The following EDEM3 variants were observed in gnomAD, a reference collection of about 807,000 sequenced individuals.
EDEM3 encodes ER degradation enhancing alpha-mannosidase like protein 3, also known as ER degradation-enhancing alpha-mannosidase-like protein 3.
Under a neutral mutation model 110.2 loss-of-function variants are expected in EDEM3, and 60 were observed. The observed-to-expected ratio is 0.54, with a 90% CI of 0.44 to 0.67. The LOEUF is 0.67. Among genes scored for constraint, EDEM3 ranks in the 30% least tolerant of loss-of-function variants. The pLI is 0.00. For synonymous variants in EDEM3, 352 were observed against 382.9 expected, an observed-to-expected ratio of 0.92 and a Z score of 0.94; for missense variants, 996 against 1,121.0, an observed-to-expected ratio of 0.89 and a Z score of 1.59.
Position 184,711,736 on chromosome 1 carries a change from C to T in EDEM3, c.1678G>A (p.Gly560Ser). ...AATACATCTTACACTCTGATGATGC[C>T]TCTAGGACAGCTCTTATCCACCACA... ...KNVVDKSCPR[G>S]IIRVEESFRS... The change falls in exon 15 of 20, where the codon GGC becomes AGC. Residue 560 changes from glycine (G) to serine (S), a missense_variant. Transcript: ENST00000318130. The T allele has an allele frequency of 6.2e-7, 1 of 1,610,946 alleles. No individual in the cohort carries two copies. Among genetic ancestry groups the T allele is most frequent in the Non-Finnish European group, 8.5e-7 (1 of 1,178,716 alleles).
At chr1:184,753,075 A>G (rs1179175262) in intron 1 of EDEM3, among the ~76,000 whole-genome samples, 1 of 152,116 alleles carries the variant, frequency 6.6e-6, no homozygotes, top group Non-Finnish European at 1.5e-5. Context: ...CTTTATTGCT[A>G]TTTAGAAACG....
chr1:184,754,136 T>C (rs1383079690), intron 1 of EDEM3, among the ~76,000 whole-genome samples: 2 of 152,212 alleles, frequency 1.3e-5, no homozygotes, highest in Admixed American at 6.5e-5. Flanking sequence ...AAGCTAACCA[T>C]GCTTCGGTCG....
rs754246948 is a variant in EDEM3, at chr1:184,702,813, C to T, written c.2387G>A (p.Arg796Gln). The T allele has an allele frequency of 1.3e-5, 20 of 1,585,400 alleles. No individual in the cohort carries two copies. In the South Asian group the frequency reaches 1.4e-4, roughly 11 times the overall value. Residue 796 changes from arginine to glutamine, a missense_variant and splice_region_variant, in exon 19 of 20, where the codon CGA (arginine) becomes CAA (glutamine). Physicochemically the swap from Arg to Gln is conservative, Grantham distance 43. Around this residue, in one of 5 missense-constraint regions of EDEM3, gnomAD observed 345 missense variants for 402.0 expected, o/e 0.86. Transcript: ENST00000318130. ...EVLLSDKAKD[R>Q]DPEMENEEQP... ...AACAAATGGTATTTTACTCTTACCT[C>T]GATCTTTTGCTTTATCAGAGAGGAG...
At chr1:184,739,103 T>C (rs185302415) in intron 2 of EDEM3, among the ~76,000 whole-genome samples, 1 of 151,874 alleles carries the variant, frequency 6.6e-6, no homozygotes, top group African/African-American at 2.4e-5. Flanking sequence ...CTTTCCCCAA[T>C]GGCTTGAAAT....
chr1:184,754,617 C>T lies in EDEM3; in HGVS notation c.30G>A (p.Gly10=). Residue 10 remains glycine (G), a synonymous_variant, in exon 1 of 20, where the codon GGG becomes GGA. Coordinates refer to ENST00000318130, the MANE Select transcript of EDEM3 (RefSeq NM_025191.4). MSEAGGRGC[G]SPVPQRARWR... is the part of the protein sequence containing the mutation. ...ATCGCGCTCGCTGGGGAACCGGGGA[C>T]CCACAGCCCCGGCCGCCGGCTTCGC... 2 of 1,601,482 alleles carry T rather than the reference C, an allele frequency of 1.2e-6. No individual in the cohort carries two copies. The highest frequency in any genetic ancestry group is 1.7e-6 in the Non-Finnish European group (2 of 1,174,336).
intron 6 of EDEM3, among the ~76,000 whole-genome samples, chr1:184,729,039 C>T (rs12079673): frequency 1.3e-3 from 200 of 152,166 alleles, no homozygotes; most frequent in African/African-American, 4.6e-3. Flanking sequence ...GATCTAGGGG[C>T]TGGTAGATAG....
At chr1:184,698,466 TC>T (rs1649443883) in intron 19 of EDEM3, among the ~76,000 whole-genome samples, 1 of 151,830 alleles carries the variant, frequency 6.6e-6, no homozygotes, top group African/African-American at 2.4e-5. Context: ...AGTTATGCTA[TC>T]CTACTAACTT....
Position 184,732,923 on chromosome 1 carries a change from T to C in EDEM3, c.526A>G (p.Asn176Asp). Residue 176 changes from asparagine (N) to aspartate (D), a missense_variant, in exon 6 of 20, where the codon AAT becomes GAT. This residue lies in a region of EDEM3 where 310 missense variants were observed against 394.6 expected (regional missense o/e 0.79). Coordinates refer to ENST00000318130, the MANE Select transcript of EDEM3 (RefSeq NM_025191.4). ...TTTGCCATTTGGAGAAGTTCATCAT[T>C]GTACCACTGCATATATTCACCTTTT... ...KEKGEYMQWY[N>D]DELLQMAKQL... 3.7e-6 allele frequency: 6 copies of C among 1,614,156 alleles called. No homozygotes were observed. The highest frequency in any genetic ancestry group is 5.1e-6 in the Non-Finnish European group (6 of 1,180,004).
At chr1:184,726,851 A>T (rs1289410545) in intron 6 of EDEM3, among the ~76,000 whole-genome samples, 1 of 152,222 alleles carries the variant, frequency 6.6e-6, no homozygotes, top group Non-Finnish European at 1.5e-5. Context: ...TAGAGAAAAA[A>T]CGGATTGTTA....
chr1:184,744,326 A>G (rs1652310691), intron 2 of EDEM3, among the ~76,000 whole-genome samples: 2 of 145,352 alleles, frequency 1.4e-5, no homozygotes, highest in East Asian at 2.0e-4. Context: ...AAAATTTTCA[A>G]TGTCATTAAT....
chr1:184,745,440 TAC>T (rs1028871034), intron 2 of EDEM3, among the ~76,000 whole-genome samples: 5 of 152,062 alleles, frequency 3.3e-5, no homozygotes, highest in Non-Finnish European at 5.9e-5. Flanking sequence ...AAACACCGAG[TAC>T]AGAGTTTCAG....
rs190010237 is a variant in EDEM3 at position 184,730,852 on chromosome 1, A to C, written c.612+1985T>G. 6.1e-3 allele frequency among the ~76,000 whole-genome samples: 929 copies of C among 151,752 alleles called. 10 individuals carry two copies. Among genetic ancestry groups the C allele is most frequent in the Middle Eastern group, 0.027 (8 of 294 alleles). ...CGGGTGATAGAGATGGTAAGCCTAA[A>C]GGCATGGAATGAAAAAAAAAAAAAA... is the stretch of plus-strand genomic sequence containing the variant. On this transcript the variant is annotated intron_variant, in intron 6 of 19. Transcript: ENST00000318130.
Position 184,702,884 on chromosome 1 carries a change from T to C in EDEM3, c.2316A>G (p.Gly772=). The stretch of plus-strand genomic sequence containing the variant: ...CCCGGATGGCATCCAGTATGATACT[T>C]CCTTCTTTGCTGAATAAGAACAGCA... ...IPMLFLFSKE[G]SIILDAIREY... The change falls in exon 19 of 20, where the codon GGA becomes GGG. Residue 772 remains glycine (G), a synonymous_variant. Transcript: ENST00000318130. The C allele has an allele frequency of 6.2e-7, 1 of 1,613,594 alleles. No homozygotes were observed.
chr1:184,727,645 G>A (rs1046287638), intron 6 of EDEM3, among the ~76,000 whole-genome samples: 1 of 152,100 alleles, frequency 6.6e-6, no homozygotes, highest in Non-Finnish European at 1.5e-5. Flanking sequence ...AATGTAAAAC[G>A]TAGGTGAGAG....
At chr1:184,720,866 T>TA (rs1204493483) in intron 9 of EDEM3, 8 of 161,212 alleles carry the variant, frequency 5.0e-5, no homozygotes, top group African/African-American at 1.9e-4. Flanking sequence ...TTGAAATGAA[T>TA]ACTCACTAGT....
Position 184,737,022 on chromosome 1 carries a change from TACC to T in EDEM3, c.345_345+2del. On this transcript the variant is annotated splice_donor_variant and coding_sequence_variant, in exon 4 of 20. Coordinates refer to ENST00000318130, the MANE Select transcript of EDEM3 (RefSeq NM_025191.4). LOFTEE classifies it high-confidence loss of function. Reference sequence around the variant, plus strand: ...AAATAAATCCAAGAAGAGTCAAACCTACCACAAGAGTGTCCAAAGAATCAATCA... The same window carrying T: ...AAATAAATCCAAGAAGAGTCAAACCTACAAGAGTGTCCAAAGAATCAATCA... 2.5e-6 allele frequency: 4 copies of T among 1,611,436 alleles called. No homozygotes were observed. The highest frequency in any genetic ancestry group is 3.4e-6 in the Non-Finnish European group (4 of 1,177,916).
At chr1:184,698,860 A>C (rs1305619456) in intron 19 of EDEM3, among the ~76,000 whole-genome samples, 1 of 151,798 alleles carries the variant, frequency 6.6e-6, no homozygotes, top group Non-Finnish European at 1.5e-5. Context: ...GGTTTTCGCA[A>C]GCTGAAGGAG....
At chr1:184,734,244 A>C (rs1651698583) in intron 5 of EDEM3, among the ~76,000 whole-genome samples, 1 of 152,172 alleles carries the variant, frequency 6.6e-6, no homozygotes, top group Admixed American at 6.5e-5. Flanking sequence ...CGAGGCAGGC[A>C]GATCACTTAA....
chr1:184,710,320 TTA>T, intron 16 of EDEM3, 72 bp downstream of exon 16: 2 of 1,516,434 alleles, frequency 1.3e-6, no homozygotes, highest in Non-Finnish European at 1.8e-6. Flanking sequence ...TTGAAATCCA[TTA>T]TCTTATTAAA....
Sources: gnomAD v4.1 joint callset for allele counts (sites outside exome capture counted in the v4.1 genomes callset) on GRCh38, gnomAD v4.1.1 for gene constraint, gnomAD v4.1.1 regional missense constraint, MANE v1.5 for transcripts, NCBI Gene and HGNC (gene_info 2026-07-23, HGNC 2026-07-21) for gene names.